The following NASP variants were observed in gnomAD, a reference collection of about 807,000 sequenced individuals.
NASP encodes nuclear autoantigenic sperm protein.
Under a neutral mutation model 89.5 loss-of-function variants are expected in NASP, and 24 were observed. The observed-to-expected ratio is 0.27, with a 90% CI of 0.19 to 0.38. NASP has a LOEUF of 0.38. Among genes scored for constraint, NASP ranks in the 10% least tolerant of loss-of-function variants. The pLI is 1.00. For missense variants in NASP, 848 were observed against 921.4 expected, an observed-to-expected ratio of 0.92 and a Z score of 1.03; for synonymous variants, 306 against 324.7, an observed-to-expected ratio of 0.94 and a Z score of 0.62.
At chr1:45,616,484 G>A in intron 12 of NASP, 91 bp downstream of exon 12, 1 of 1,519,710 alleles carries the variant, frequency 6.6e-7, no homozygotes, top group Non-Finnish European at 9.1e-7. Flanking sequence ...GCCAAGGCAG[G>A]AAGATTGCCT....
intron 2 of NASP, among the ~76,000 whole-genome samples, chr1:45,601,661 T>C (rs2148349479): frequency 6.6e-6 from 1 of 151,950 alleles, no homozygotes; most frequent in South Asian, 2.1e-4. Context: ...TCTTTTATGA[T>C]ACCTTTTTTA....
At chr1:45,616,801 C>G (rs951994083) in intron 13 of NASP, 98 bp downstream of exon 13, 3 of 1,134,256 alleles carry the variant, frequency 2.6e-6, no homozygotes, top group Non-Finnish European at 2.7e-6. Flanking sequence ...GCATATAAGA[C>G]ACTTATTTTC....
Position 45,584,211 on chromosome 1 carries a change from C to G in NASP, c.59+6C>G. ...GAGCTGGTTTCTGCCGACAAGTAAG[C>G]GGGACTGTGGAAAGCTTAAGGCACT... On this transcript the variant is annotated splice_donor_region_variant and intron_variant, in intron 1 of 14. Coordinates refer to ENST00000350030, the MANE Select transcript of NASP (RefSeq NM_002482.4). 2 of 1,582,154 alleles carry G rather than the reference C, an allele frequency of 1.3e-6. No individual in the cohort carries two copies. Among genetic ancestry groups the G allele is most frequent in the Non-Finnish European group, 1.7e-6 (2 of 1,163,740 alleles).
Position 45,586,239 on chromosome 1 carries a change from CGTGTGTGTGTGTGTGTGTGT to C in NASP, c.59+2060_59+2079del, listed in dbSNP as rs537983711. On this transcript the variant is annotated intron_variant, in intron 1 of 14. Coordinates refer to ENST00000350030, the MANE Select transcript of NASP (RefSeq NM_002482.4). ...CGGCCCCCTGCAGCCCCTACCGTGC[CGTGTGTGTGTGTGTGTGTGT>C]GTGTGTGTGTGTGTGTGTGTGTGTG... Among the ~76,000 whole-genome samples the C allele has an allele frequency of 2.5e-3, 272 of 110,284 alleles. 1 individual carries two copies. The highest frequency in any genetic ancestry group is 6.0e-3 in the South Asian group (17 of 2,818). 72.4% of individuals were successfully genotyped at this position (110,284 alleles called of 152,430 possible).
In NASP at chr1:45,608,023, C is replaced by A; in HGVS notation, c.1112C>A (p.Ala371Asp). ...GTCTCTGAAAAGCCTGGGCAGGAGG[C>A]TCCAGTTCTCCCTAAGGATGGTGCA... ...SEVSEKPGQE[A>D]PVLPKDGAVN... The change falls in exon 6 of 15, where the codon GCT becomes GAT. Residue 371 changes from alanine to aspartate, a missense_variant. Coordinates refer to ENST00000350030, the MANE Select transcript of NASP (RefSeq NM_002482.4). 1 of 1,614,002 alleles carries A rather than the reference C, an allele frequency of 6.2e-7. No homozygotes were observed. The highest frequency in any genetic ancestry group is 8.5e-7 in the Non-Finnish European group (1 of 1,179,908).
intron 1 of NASP, among the ~76,000 whole-genome samples, chr1:45,587,688 A>ATATAT (rs1553169240): frequency 4.0e-4 from 7 of 17,490 alleles, no homozygotes; most frequent in Admixed American, 1.3e-3. Context: ...ATATATATAT[A>ATATAT]ATTAATTTTT....
chr1:45,613,225 A>G lies in NASP; in HGVS notation c.1483A>G (p.Asn495Asp), dbSNP rs1038855141. Residue 495 changes from asparagine (N) to aspartate (D), a missense_variant, in exon 7 of 15, where the codon AAT (asparagine) becomes GAT (aspartate). Physicochemically the swap from Asn to Asp is conservative, Grantham distance 23. This residue lies in a region of NASP where 464 missense variants were observed against 469.4 expected (regional missense o/e 0.99). Transcript: ENST00000350030. ...AAATGATAAGACCGAAGAAATGCCAAATGATTCAGTCCTTGAAAACAAGGT... is the reference window on the plus strand; with the variant it reads ...AAATGATAAGACCGAAGAAATGCCAGATGATTCAGTCCTTGAAAACAAGGT... Reference protein sequence around the residue: ...KENDKTEEMPNDSVLENKSLQ... With the variant: ...KENDKTEEMPDDSVLENKSLQ... 1.6e-5 allele frequency: 25 copies of G among 1,611,172 alleles called. No homozygotes were observed. In the East Asian group the frequency reaches 2.0e-4, roughly 13 times the overall value.
intron 1 of NASP, among the ~76,000 whole-genome samples, chr1:45,587,094 C>G (rs1184179882): frequency 6.6e-6 from 1 of 152,162 alleles, no homozygotes; most frequent in African/African-American, 2.4e-5. Context: ...TTTGTCCCCT[C>G]GTGCCATTAA....
intron 3 of NASP, among the ~76,000 whole-genome samples, chr1:45,602,740 G>A (rs531744072): frequency 2.0e-5 from 3 of 152,036 alleles, no homozygotes; most frequent in African/African-American, 7.2e-5. Context: ...AACCTCCCAG[G>A]CTCCCCAGTA....
chr1:45,587,621 T>C (rs1644571253), intron 1 of NASP, among the ~76,000 whole-genome samples: 1 of 142,536 alleles, frequency 7.0e-6, no homozygotes, highest in South Asian at 2.2e-4. Context: ...ATTTTGTTAA[T>C]TCAACATTTC....
chr1:45,594,481 A>G (rs1269799286), intron 2 of NASP, among the ~76,000 whole-genome samples: 3 of 152,142 alleles, frequency 2.0e-5, no homozygotes, highest in Admixed American at 1.3e-4. Flanking sequence ...TGGACTGACT[A>G]AATGTAGCTA....
Position 45,607,471 on chromosome 1 carries a change from A to C in NASP, c.560A>C (p.Asp187Ala). Residue 187 changes from aspartate (D) to alanine (A), a missense_variant, in exon 6 of 15, where the codon GAT becomes GCT. By Grantham distance (126) the Asp-to-Ala change is moderately radical. Coordinates refer to ENST00000350030, the MANE Select transcript of NASP (RefSeq NM_002482.4). ...EMEKGGREDM[D>A]ISKSAEEPQE... ...GAGAAGGGTGGAAGAGAAGATATGGATATAAGTAAATCTGCAGAGGAGCCA... is the reference window on the plus strand; with the variant it reads ...GAGAAGGGTGGAAGAGAAGATATGGCTATAAGTAAATCTGCAGAGGAGCCA... 1 of 1,613,830 alleles carries C rather than the reference A, an allele frequency of 6.2e-7. No homozygotes were observed.
At chr1:45,589,499 T>A (rs1313145275) in intron 1 of NASP, among the ~76,000 whole-genome samples, 2 of 152,170 alleles carry the variant, frequency 1.3e-5, no homozygotes, top group East Asian at 3.8e-4. Context: ...CTAGTACTTC[T>A]CTGGATTCAT....
intron 3 of NASP, among the ~76,000 whole-genome samples, chr1:45,602,813 G>A (rs1643869316): frequency 6.6e-6 from 1 of 152,170 alleles, no homozygotes; most frequent in Admixed American, 6.6e-5. Flanking sequence ...TGGTAGAGAT[G>A]GGGTTTCCCC....
intron 2 of NASP, among the ~76,000 whole-genome samples, chr1:45,593,663 CT>C (rs553586924): frequency 0.029 from 4,113 of 142,764 alleles, 172 homozygotes; most frequent in African/African-American, 0.098. Context: ...ATGAGCTGTA[CT>C]TTTTTTTTTT....
In NASP at chr1:45,607,912, T is replaced by G; in HGVS notation, c.1001T>G (p.Val334Gly). 1.2e-6 allele frequency: 2 copies of G among 1,614,088 alleles called. No homozygotes were observed. Among genetic ancestry groups the G allele is most frequent in the Non-Finnish European group, 1.7e-6 (2 of 1,180,018 alleles). The change falls in exon 6 of 15, where the codon GTA becomes GGA. Residue 334 changes from valine (V) to glycine (G), a missense_variant. Physicochemically the swap from Val to Gly is moderately radical, Grantham distance 109. This residue lies in a region of NASP where 464 missense variants were observed against 469.4 expected (regional missense o/e 0.99). Coordinates refer to ENST00000350030, the MANE Select transcript of NASP (RefSeq NM_002482.4). ...GGAAAGGCGGTTCTTGAACAACTGG[T>G]AGGTCAAGAAGTACCACCTGCTGAA... ...EAGKAVLEQLVGQEVPPAEES... is the reference protein window; with the variant it reads ...EAGKAVLEQLGGQEVPPAEES...
chr1:45,614,874 A>T lies in NASP; in HGVS notation c.1667-139A>T, dbSNP rs1273600572. ...TAAAAGTCATTTTGACTTTCTTTATAGCCAAGGGTCCTGGAAATAACTATA... is the reference window on the plus strand; with the variant it reads ...TAAAAGTCATTTTGACTTTCTTTATTGCCAAGGGTCCTGGAAATAACTATA... On this transcript the variant is annotated intron_variant, in intron 9 of 14. Transcript: ENST00000350030. 12 of 769,672 alleles carry T rather than the reference A, an allele frequency of 1.6e-5. No homozygotes were observed. The East Asian group carries it at 3.3e-4, about 21-fold the overall frequency. The allele number at this position is 769,672 out of a possible 1,614,324, so 47.7% of individuals were successfully genotyped here.
intron 2 of NASP, chr1:45,594,604 T>C (rs556828117): frequency 2.0e-5 from 8 of 400,164 alleles, no homozygotes; most frequent in South Asian, 1.3e-4. Context: ...TTCCCTGGGC[T>C]CAGGTGATCC....
At chr1:45,586,298 T>TG (rs375898417) in intron 1 of NASP, among the ~76,000 whole-genome samples, 1,680 of 96,392 alleles carry the variant, frequency 0.017, 43 homozygotes, top group East Asian at 0.038. Context: ...TGTGTGTGTG[T>TG]GTGTGTGTGT....
Sources: allele counts gnomAD v4.1 joint callset (sites outside exome capture counted in the v4.1 genomes callset), GRCh38; gene constraint gnomAD v4.1.1; regional missense constraint gnomAD v4.1.1; transcripts MANE v1.5; gene names NCBI Gene and HGNC (gene_info 2026-07-23, HGNC 2026-07-21).